Variants in RIMS2 observed in about 807,000 individuals in gnomAD.
The protein encoded by RIMS2 is regulating synaptic membrane exocytosis 2, also known as regulating synaptic membrane exocytosis protein 2.
RIMS2 carries 59 observed loss-of-function variants against 174.4 expected under a neutral mutation model. The ratio of observed to expected loss-of-function variants is 0.34; its 90% CI spans 0.27 to 0.42. The LOEUF is 0.42. Ranked by LOEUF, RIMS2 falls within the 10% of genes least tolerant of loss-of-function variation. The probability of loss-of-function intolerance (pLI) is 1.00; values close to 1 mark genes in which losing one functional copy is unlikely to be tolerated. For missense variants in RIMS2, 1,620 were observed against 1,666.3 expected, an observed-to-expected ratio of 0.97 and a Z score of 0.48; for synonymous variants, 606 against 572.5, an observed-to-expected ratio of 1.06 and a Z score of -0.84.
intron 13 of RIMS2, among the ~76,000 whole-genome samples, chr8:103,941,412 A>G (rs2082498185): frequency 6.6e-6 from 1 of 152,010 alleles, no homozygotes; most frequent in Admixed American, 6.6e-5. Flanking sequence ...GCTTTACCCT[A>G]GGAGTTTGAG....
chr8:103,534,963 C>T (rs1839116483), intron 1 of RIMS2, among the ~76,000 whole-genome samples: 1 of 152,158 alleles, frequency 6.6e-6, no homozygotes, highest in African/African-American at 2.4e-5. Context: ...GAAATCTTTA[C>T]ATTGTATTGA....
At chr8:103,832,602 C>T (rs925236485) in intron 3 of RIMS2, among the ~76,000 whole-genome samples, 2 of 152,138 alleles carry the variant, frequency 1.3e-5, no homozygotes, top group Non-Finnish European at 2.9e-5. Context: ...GTGTTCTCAT[C>T]ATTTAGCTCC....
At chr8:104,215,427 G>T (rs1434087759) in intron 19 of RIMS2, among the ~76,000 whole-genome samples, 2 of 152,114 alleles carry the variant, frequency 1.3e-5, no homozygotes, top group African/African-American at 4.8e-5. Flanking sequence ...AATGAATAGT[G>T]AATGAATAAA....
chr8:103,836,799 C>T (rs1442067259), intron 3 of RIMS2, among the ~76,000 whole-genome samples: 1 of 152,114 alleles, frequency 6.6e-6, no homozygotes, highest in East Asian at 1.9e-4. Context: ...GAAATGTGTG[C>T]TTTAAAAACT....
chr8:103,599,317 G>A (rs1267194238), intron 1 of RIMS2, among the ~76,000 whole-genome samples: 1 of 150,094 alleles, frequency 6.7e-6, no homozygotes, highest in Admixed American at 6.7e-5. Context: ...ACTGTCCAAG[G>A]TATCACAAGT....
chr8:103,909,289 C>T (rs1232509569), intron 4 of RIMS2, among the ~76,000 whole-genome samples: 2 of 151,626 alleles, frequency 1.3e-5, no homozygotes, highest in East Asian at 3.9e-4. Flanking sequence ...GATATATGTA[C>T]ATATATAGAC....
intron 1 of RIMS2, among the ~76,000 whole-genome samples, chr8:103,527,571 T>C (rs960113212): frequency 1.3e-5 from 2 of 151,458 alleles, no homozygotes; most frequent in African/African-American, 4.9e-5. Flanking sequence ...CCCTGGTGTG[T>C]GATGTTCCCC....
intron 4 of RIMS2, among the ~76,000 whole-genome samples, chr8:103,900,510 A>G (rs2099322673): frequency 6.6e-6 from 1 of 152,144 alleles, no homozygotes; most frequent in South Asian, 2.1e-4. Flanking sequence ...GTATGTCTAT[A>G]TGGAGACTGC....
intron 1 of RIMS2, among the ~76,000 whole-genome samples, chr8:103,671,277 T>C (rs2096741226): frequency 6.6e-6 from 1 of 152,094 alleles, no homozygotes; most frequent in Admixed American, 6.5e-5. Context: ...AAGATAAGAT[T>C]TGGGTGTGGA....
chr8:103,959,918 A>G (rs1202835102), intron 14 of RIMS2, among the ~76,000 whole-genome samples: 2 of 152,180 alleles, frequency 1.3e-5, no homozygotes, highest in Non-Finnish European at 2.9e-5. Flanking sequence ...TCTAAAATTG[A>G]CACCCTAACA....
rs1565506276 is a variant in RIMS2, at chr8:103,954,572, G to A, written c.2702-6493G>A. Among the ~76,000 whole-genome samples, 7 of 152,228 alleles carry A rather than the reference G, an allele frequency of 4.6e-5. No homozygotes were observed. In the South Asian group the frequency reaches 1.2e-3, roughly 27 times the overall value. ...AAACCAATGAGAGCAAAGACACAAC[G>A]TACCAGAATTTCTGAGACACATTTA... On this transcript the variant is annotated intron_variant, in intron 14 of 23. Coordinates refer to ENST00000504942, the Ensembl canonical transcript of RIMS2.
intron 1 of RIMS2, among the ~76,000 whole-genome samples, chr8:103,593,747 A>T (rs1489005518): frequency 6.6e-6 from 1 of 151,354 alleles, no homozygotes; most frequent in East Asian, 1.9e-4. Flanking sequence ...TAATTAATTA[A>T]TGTTAATATA....
intron 1 of RIMS2, among the ~76,000 whole-genome samples, chr8:103,682,763 T>C (rs2096895719): frequency 6.6e-6 from 1 of 152,162 alleles, no homozygotes. Context: ...GTAAGGTAAA[T>C]ACTGTTTCTT....
chr8:103,856,271 C>T (rs954197378), intron 3 of RIMS2, among the ~76,000 whole-genome samples: 1 of 152,084 alleles, frequency 6.6e-6, no homozygotes, highest in Non-Finnish European at 1.5e-5. Context: ...AGTGGTAAAT[C>T]TTAATTTACT....
chr8:104,219,417 G>A (rs2099145362), intron 19 of RIMS2, among the ~76,000 whole-genome samples: 1 of 152,136 alleles, frequency 6.6e-6, no homozygotes, highest in Non-Finnish European at 1.5e-5. Context: ...ATTTAATGTT[G>A]ACTTATTGTC....
chr8:103,876,229 G>GT (rs1159251409), intron 3 of RIMS2, among the ~76,000 whole-genome samples: 2 of 151,672 alleles, frequency 1.3e-5, no homozygotes, highest in South Asian at 2.1e-4. Flanking sequence ...AATTTTTATG[G>GT]TTTTAGATCA....
chr8:103,728,875 A>G (rs144287928), intron 2 of RIMS2, among the ~76,000 whole-genome samples: 42 of 151,406 alleles, frequency 2.8e-4, no homozygotes, highest in African/African-American at 9.9e-4. Context: ...GATGTAACAA[A>G]TTGATTGATT....
chr8:104,107,505 T>C (rs928517465), intron 19 of RIMS2, among the ~76,000 whole-genome samples: 1 of 152,166 alleles, frequency 6.6e-6, no homozygotes, highest in Non-Finnish European at 1.5e-5. Context: ...CAATAAAACT[T>C]TGTATATGAA....
At chr8:104,064,623 G>A (rs1201651800) in intron 19 of RIMS2, among the ~76,000 whole-genome samples, 1 of 151,802 alleles carries the variant, frequency 6.6e-6, no homozygotes, top group East Asian at 1.9e-4. Flanking sequence ...AACAACTCTA[G>A]CATTTATGAA....
Sources: gnomAD v4.1 joint callset for allele counts (sites outside exome capture counted in the v4.1 genomes callset) on GRCh38, gnomAD v4.1.1 for gene constraint, MANE v1.5 for transcripts, NCBI Gene and HGNC (gene_info 2026-07-23, HGNC 2026-07-21) for gene names.